PLEKHM3: variants seen among roughly 807,000 people sequenced by gnomAD.
The protein encoded by PLEKHM3 is pleckstrin homology domain-containing family M member 3.
Under a neutral mutation model 81.8 loss-of-function variants are expected in PLEKHM3, and 45 were observed. The observed-to-expected ratio is 0.55, with a 90% confidence interval of 0.43 to 0.71. The LOEUF is 0.71. Among genes scored for constraint, PLEKHM3 ranks in the 30% least tolerant of loss-of-function variants. The pLI is 0.00. For missense variants in PLEKHM3, 788 were observed against 924.3 expected (o/e 0.85, Z 1.91); for synonymous variants, 352 against 356.4 (o/e 0.99, Z 0.14).
rs924792118 is a variant in PLEKHM3, at chr2:207,946,898, C to T, written c.1547-386G>A. The stretch of plus-strand genomic sequence containing the variant: ...CATCTCATACAGAATCTTGTTTAAC[C>T]AGCACCACTTCTCTATGAGGAAGAT... On this transcript the variant is annotated intron_variant, in intron 3 of 7. Transcript: ENST00000427836. 5.3e-5 allele frequency among the ~76,000 whole-genome samples: 8 copies of T among 152,168 alleles called. No individual in the cohort carries two copies. In the South Asian group the frequency reaches 1.5e-3, roughly 28 times the overall value.
rs1575257545 is a variant in PLEKHM3, at chr2:207,827,798, C to G, written c.*521G>C. ...GGCGGGAGCGCCACGGACACCAGGT[C>G]CTGGAAGGACCCAGCAGTCTCTTGT... On this transcript the variant is annotated 3_prime_UTR_variant, in exon 8 of 8. Transcript: ENST00000427836. The G allele has an allele frequency of 6.6e-6, 1 of 152,168 alleles. No individual in the cohort carries two copies. The highest frequency in any genetic ancestry group is 6.5e-5 in the Admixed American group (1 of 15,272). 9.4% of individuals were successfully genotyped at this position (152,168 alleles called of 1,614,324 possible). A position where few individuals can be genotyped will look rare whatever the true frequency, so the allele number is the denominator to read the frequency against.
intron 3 of PLEKHM3, among the ~76,000 whole-genome samples, chr2:207,950,507 T>C (rs1690293450): frequency 6.6e-6 from 1 of 152,180 alleles, no homozygotes; most frequent in African/African-American, 2.4e-5. Context: ...ACTGAGATGA[T>C]TTTGACTCTG....
intron 2 of PLEKHM3, among the ~76,000 whole-genome samples, chr2:207,988,875 G>A (rs1691808723): frequency 6.6e-6 from 1 of 152,088 alleles, no homozygotes; most frequent in Admixed American, 6.5e-5. Flanking sequence ...CCTTGAACAA[G>A]CCAAGCACAT....
At chr2:207,865,801 A>AAAAAAAAAAAATATATATAT in intron 6 of PLEKHM3, among the ~76,000 whole-genome samples, 2 of 25,300 alleles carry the variant, frequency 7.9e-5, no homozygotes, top group African/African-American at 4.2e-4. Flanking sequence ...AAAAAAAAAA[A>AAAAAAAAAAAATATATATAT]AGATATATAT....
intron 6 of PLEKHM3, among the ~76,000 whole-genome samples, chr2:207,883,557 A>C (rs1227529528): frequency 3.3e-5 from 5 of 152,238 alleles, no homozygotes; most frequent in African/African-American, 1.2e-4. Flanking sequence ...TTCTTTATAT[A>C]GTGAGCATTG....
chr2:207,999,195 C>G (rs1443707638), intron 2 of PLEKHM3, among the ~76,000 whole-genome samples: 1 of 152,092 alleles, frequency 6.6e-6, no homozygotes, highest in Non-Finnish European at 1.5e-5. Flanking sequence ...GTTGTCCAGA[C>G]TGGTCTCTGA....
chr2:207,856,270 C>A (rs745328085), intron 7 of PLEKHM3, among the ~76,000 whole-genome samples: 6 of 152,158 alleles, frequency 3.9e-5, no homozygotes, highest in Non-Finnish European at 8.8e-5. Context: ...ATTTTGCAAT[C>A]CTGTGATACA....
chr2:208,003,244 C>T (rs914692240), intron 1 of PLEKHM3, among the ~76,000 whole-genome samples: 17 of 152,182 alleles, frequency 1.1e-4, no homozygotes, highest in Admixed American at 9.8e-4. Context: ...ATGATTCCAG[C>T]CATGTGGAAT....
chr2:207,962,451 G>C (rs1316248747), intron 3 of PLEKHM3, among the ~76,000 whole-genome samples: 2 of 152,210 alleles, frequency 1.3e-5, no homozygotes, highest in African/African-American at 4.8e-5. Context: ...TCATTTGGCT[G>C]TTCCTGGTTT....
At position 208,019,046 on chromosome 2, in the gene PLEKHM3, T is replaced by C. The variant is rs1024395238; in HGVS notation, c.-319+6343A>G. On this transcript the variant is annotated intron_variant, in intron 1 of 7. Coordinates refer to ENST00000427836, the MANE Select transcript of PLEKHM3 (RefSeq NM_001080475.3). ...CAGGTGTGGTGGCTCACACCTGTAA[T>C]CCCAGCACTTTGGGAGGTCAAGATG... 2.0e-5 allele frequency among the ~76,000 whole-genome samples: 3 copies of C among 151,440 alleles called. No homozygotes were observed. In the South Asian group the frequency reaches 6.2e-4, roughly 32 times the overall value.
intron 5 of PLEKHM3, among the ~76,000 whole-genome samples, chr2:207,917,344 T>C (rs944768562): frequency 6.6e-6 from 1 of 152,246 alleles, no homozygotes; most frequent in Non-Finnish European, 1.5e-5. Flanking sequence ...AGAAGTGTTA[T>C]CCACAAGTTT....
Position 207,923,897 on chromosome 2 carries a change from A to AT in PLEKHM3, c.1886+7028dup, listed in dbSNP as rs1374566712. 3.4e-3 allele frequency among the ~76,000 whole-genome samples: 282 copies of AT among 83,486 alleles called. 1 individual carries two copies. The highest frequency in any genetic ancestry group is 6.1e-3 in the Non-Finnish European group (252 of 41,228). The allele number at this position is 83,486 out of a possible 152,430, so 54.8% of individuals were successfully genotyped here. On this transcript the variant is annotated intron_variant, in intron 5 of 7. Coordinates refer to ENST00000427836, the MANE Select transcript of PLEKHM3 (RefSeq NM_001080475.3). ...CACACACACATATATATATATATAT[A>AT]TATATATATTTTTTTTTTTTTTTTT...
At chr2:207,850,396 T>A (rs568762976) in intron 7 of PLEKHM3, among the ~76,000 whole-genome samples, 6 of 152,356 alleles carry the variant, frequency 3.9e-5, no homozygotes, top group African/African-American at 1.4e-4. Context: ...AAGTACAATG[T>A]TCTTCATAGT....
chr2:207,893,611 T>C (rs957476959), intron 6 of PLEKHM3, among the ~76,000 whole-genome samples: 3 of 151,920 alleles, frequency 2.0e-5, no homozygotes, highest in Non-Finnish European at 1.5e-5. Context: ...TTCAAACCAA[T>C]GGAAGGGGAT....
At chr2:208,022,400 A>T (rs1468015072) in intron 1 of PLEKHM3, among the ~76,000 whole-genome samples, 1 of 152,168 alleles carries the variant, frequency 6.6e-6, no homozygotes, top group African/African-American at 2.4e-5. Flanking sequence ...TTCTGCTCAG[A>T]GTCTCTCACA....
intron 6 of PLEKHM3, among the ~76,000 whole-genome samples, chr2:207,882,816 G>C (rs1687741355): frequency 6.6e-6 from 1 of 151,826 alleles, no homozygotes; most frequent in African/African-American, 2.4e-5. Flanking sequence ...AGTAATTACA[G>C]TTTTTAAAAG....
At chr2:208,006,600 AT>A (rs1692501007) in intron 1 of PLEKHM3, among the ~76,000 whole-genome samples, 2 of 152,196 alleles carry the variant, frequency 1.3e-5, no homozygotes, top group African/African-American at 4.8e-5. Flanking sequence ...GCCTTTACAA[AT>A]GTAAACTGCT....
chr2:207,897,863 C>T (rs920179624), intron 6 of PLEKHM3, among the ~76,000 whole-genome samples: 2 of 152,182 alleles, frequency 1.3e-5, no homozygotes, highest in African/African-American at 4.8e-5. Context: ...GATTTATCAA[C>T]CAACAGCTTA....
intron 3 of PLEKHM3, among the ~76,000 whole-genome samples, chr2:207,972,162 T>C (rs74962237): frequency 6.6e-6 from 1 of 152,216 alleles, no homozygotes; most frequent in African/African-American, 2.4e-5. Context: ...TCCAAGTTTC[T>C]GGGCACACAA....
Sources: allele counts gnomAD v4.1 joint callset (sites outside exome capture counted in the v4.1 genomes callset), GRCh38; gene constraint gnomAD v4.1.1; transcripts MANE v1.5; gene names NCBI Gene and HGNC (gene_info 2026-07-23, HGNC 2026-07-21).